The following THSD7A variants were observed in gnomAD, a reference collection of about 807,000 sequenced individuals.
THSD7A encodes the protein thrombospondin type 1 domain containing 7A.
Under a neutral mutation model 231.3 loss-of-function variants are expected in THSD7A, and 96 were observed. The ratio of observed to expected loss-of-function variants is 0.41; its 90% CI spans 0.35 to 0.49. The LOEUF is 0.49. THSD7A is among the 20% of genes least tolerant of loss of function. The pLI is 0.05. For synonymous variants in THSD7A, 940 were observed against 743.3 expected (o/e 1.26, Z -4.30); for missense variants, 2,290 against 2,070.2 (o/e 1.11, Z -2.06).
At chr7:11,717,777 A>G (rs1177954498) in intron 1 of THSD7A, among the ~76,000 whole-genome samples, 1 of 151,564 alleles carries the variant, frequency 6.6e-6, no homozygotes, top group Non-Finnish European at 1.5e-5. Context: ...GTAGATATGA[A>G]GTATTATTTT....
At chr7:11,514,353 G>A (rs1341543820) in intron 6 of THSD7A, among the ~76,000 whole-genome samples, 1 of 152,120 alleles carries the variant, frequency 6.6e-6, no homozygotes, top group Non-Finnish European at 1.5e-5. Context: ...ACAGTGCCTG[G>A]CACAGAGTAG....
intron 1 of THSD7A, among the ~76,000 whole-genome samples, chr7:11,689,245 T>C (rs1212013938): frequency 2.6e-5 from 4 of 151,882 alleles, no homozygotes; most frequent in Admixed American, 1.3e-4. Context: ...GCAACTATTA[T>C]GTAAGGTCAA....
At chr7:11,566,988 G>A (rs1020362369) in intron 4 of THSD7A, among the ~76,000 whole-genome samples, 13 of 147,272 alleles carry the variant, frequency 8.8e-5, no homozygotes, top group Non-Finnish European at 1.5e-5. Context: ...GACCAACAAA[G>A]TTTCCTAAAG....
intron 19 of THSD7A, among the ~76,000 whole-genome samples, chr7:11,407,954 G>T (rs372908746): frequency 2.6e-5 from 4 of 151,970 alleles, no homozygotes; most frequent in African/African-American, 9.7e-5. Flanking sequence ...AGAAATATGG[G>T]TCACCAAAGT....
intron 7 of THSD7A, among the ~76,000 whole-genome samples, chr7:11,479,353 T>C (rs1176156064): frequency 1.3e-5 from 2 of 152,206 alleles, no homozygotes; most frequent in Non-Finnish European, 2.9e-5. Flanking sequence ...TCGCATGGAC[T>C]TGTCCTGTAT....
chr7:11,609,295 T>C (rs1780841186), intron 2 of THSD7A, among the ~76,000 whole-genome samples: 1 of 152,122 alleles, frequency 6.6e-6, no homozygotes, highest in Admixed American at 6.6e-5. Flanking sequence ...ATCCCTCCCT[T>C]TCCCTTTCAC....
chr7:11,496,516 A>G (rs987265353), intron 6 of THSD7A, among the ~76,000 whole-genome samples: 1 of 152,140 alleles, frequency 6.6e-6, no homozygotes, highest in African/African-American at 2.4e-5. Flanking sequence ...TTTAGGGCTG[A>G]GACATCCGTA....
intron 1 of THSD7A, among the ~76,000 whole-genome samples, chr7:11,761,514 G>GTA (rs990003485): frequency 1.3e-5 from 2 of 151,886 alleles, no homozygotes; most frequent in African/African-American, 4.8e-5. Flanking sequence ...TACATACAAT[G>GTA]TATATATATG....
chr7:11,769,141 A>ATTTT (rs1562541275), intron 1 of THSD7A, among the ~76,000 whole-genome samples: 3 of 34,964 alleles, frequency 8.6e-5, no homozygotes, highest in African/African-American at 2.7e-4. Flanking sequence ...ATATATATAT[A>ATTTT]TATATATATA....
chr7:11,604,165 C>A (rs138616190), intron 2 of THSD7A, among the ~76,000 whole-genome samples: 5 of 152,098 alleles, frequency 3.3e-5, no homozygotes, highest in Non-Finnish European at 7.4e-5. Context: ...AATTATTAAT[C>A]TGAGACTTCA....
Position 11,821,092 on chromosome 7 carries a change from T to C in THSD7A, c.190+10665A>G, listed in dbSNP as rs10247458. On this transcript the variant is annotated intron_variant, in intron 1 of 27. Coordinates refer to ENST00000423059, the MANE Select transcript of THSD7A (RefSeq NM_015204.3). Reference sequence around the variant, plus strand: ...AAAGTACTGCGGGAAATGTCTATTGTCCTGTAACTTGTTTTTGGCTGCCTC... The same window carrying C: ...AAAGTACTGCGGGAAATGTCTATTGCCCTGTAACTTGTTTTTGGCTGCCTC... 6.5e-3 allele frequency: 6,555 copies of C among 1,014,770 alleles called. 308 individuals carry two copies. In the African/African-American group the frequency reaches 0.094, roughly 15 times the overall value. The allele number at this position is 1,014,770 out of a possible 1,614,324, so 62.9% of individuals were successfully genotyped here. A position where few individuals can be genotyped will look rare whatever the true frequency, so the allele number is the denominator to read the frequency against.
intron 1 of THSD7A, among the ~76,000 whole-genome samples, chr7:11,728,352 T>A (rs1781615789): frequency 6.6e-6 from 1 of 151,782 alleles, no homozygotes; most frequent in Non-Finnish European, 1.5e-5. Context: ...TGTATTGGAG[T>A]TTTCCTATAC....
intron 2 of THSD7A, among the ~76,000 whole-genome samples, chr7:11,606,198 C>T (rs1322343885): frequency 2.0e-5 from 3 of 152,052 alleles, no homozygotes; most frequent in African/African-American, 7.2e-5. Context: ...GGACTCAACT[C>T]GATGAACAGG....
chr7:11,831,842 G>GAGCAGC lies in THSD7A; in HGVS notation c.99_104dup (p.Leu39_Leu40dup). ...CGCCCGGGCGTAGCAGCAGCAGCAG[G>GAGCAGC]AGCAGCGGCAGCGGCAGCGGCAGCG... On this transcript the variant is annotated inframe_insertion, in exon 1 of 28. Transcript: ENST00000423059. The surrounding 1 kb of genome is among the most constrained non-coding windows in gnomAD (Gnocchi z 5.0). 1 of 1,350,102 alleles carries GAGCAGC rather than the reference G, an allele frequency of 7.4e-7. No homozygotes were observed. The highest frequency in any genetic ancestry group is 9.6e-7 in the Non-Finnish European group (1 of 1,039,562). 83.6% of individuals were successfully genotyped at this position (1,350,102 alleles called of 1,614,324 possible).
rs1461671128 is a variant in THSD7A at position 11,447,377 on chromosome 7, A to T, written c.2653T>A (p.Cys885Ser). ...QDGGQAGIHECLQYAGPVPAL... is the reference protein window; with the variant it reads ...QDGGQAGIHESLQYAGPVPAL... ...GGCACAGGGCCTGCATACTGTAGGC[A>T]CTCATGGATTCCAGCCTGTCCTCCA... Residue 885 changes from cysteine (C) to serine (S), a missense_variant, in exon 12 of 28, where the codon TGC (cysteine) becomes AGC (serine). Transcript: ENST00000423059. The T allele has an allele frequency of 1.9e-6, 3 of 1,606,824 alleles. No homozygotes were observed. The highest frequency in any genetic ancestry group is 2.5e-6 in the Non-Finnish European group (3 of 1,176,878).
chr7:11,503,481 T>C lies in THSD7A; in HGVS notation c.1823-21499A>G, dbSNP rs575611885. On this transcript the variant is annotated intron_variant, in intron 6 of 27. Coordinates refer to ENST00000423059, the MANE Select transcript of THSD7A (RefSeq NM_015204.3). ...ATGGGATCTAATTAAACTTAAGAGC[T>C]TCTGCAAAGAAAAATAAACTATCAG... is the stretch of plus-strand genomic sequence containing the variant. Among the ~76,000 whole-genome samples the C allele has an allele frequency of 2.8e-4, 43 of 152,294 alleles. 2 individuals are homozygous for C. The South Asian group carries it at 7.9e-3, about 28-fold the overall frequency.
chr7:11,424,936 C>T (rs745978842), intron 15 of THSD7A, 107 bp from the exon 16 acceptor site: 7 of 1,304,240 alleles, frequency 5.4e-6, no homozygotes, highest in Non-Finnish European at 7.5e-6. Flanking sequence ...ACTTTCACTC[C>T]CCTCCTTTAC....
intron 23 of THSD7A, chr7:11,385,287 C>T (rs1255028762): frequency 6.6e-6 from 1 of 151,924 alleles, no homozygotes; most frequent in African/African-American, 2.4e-5. Context: ...TCTTAAACTT[C>T]TGATGACACT....
At position 11,751,281 on chromosome 7, in the gene THSD7A, A is replaced by T. The variant is rs151183402; in HGVS notation, c.190+80476T>A. On this transcript the variant is annotated intron_variant, in intron 1 of 27. Coordinates refer to ENST00000423059, the MANE Select transcript of THSD7A (RefSeq NM_015204.3). ...CTTAAGGGTGGAGGAAAAGAGGGCA[A>T]TGGCTTTTCTATTAGGGGAGGAAAA... 6.5e-3 allele frequency: 969 copies of T among 148,482 alleles called. 9 individuals carry two copies. Among genetic ancestry groups the T allele is most frequent in the African/African-American group, 0.022 (927 of 41,286 alleles). The allele number at this position is 148,482 out of a possible 1,614,324, so 9.2% of individuals were successfully genotyped here.
Sources: gnomAD v4.1 joint callset for allele counts (sites outside exome capture counted in the v4.1 genomes callset) on GRCh38, gnomAD v4.1.1 for gene constraint, Gnocchi (gnomAD v3.1) non-coding constraint, MANE v1.5 for transcripts, NCBI Gene and HGNC (gene_info 2026-07-23, HGNC 2026-07-21) for gene names.